DSCAM: variants seen among roughly 807,000 people sequenced by gnomAD.
DSCAM encodes DS cell adhesion molecule.
Under a neutral mutation model 217.7 loss-of-function variants are expected in DSCAM, and 47 were observed. The observed-to-expected ratio is 0.22, with a 90% confidence interval of 0.17 to 0.28. The LOEUF (loss-of-function observed/expected upper bound fraction) is 0.28, where lower values mean the gene tolerates loss of function less well. Among genes scored for constraint, DSCAM ranks in the 10% least tolerant of loss-of-function variants. The probability of loss-of-function intolerance (pLI) is 1.00; values close to 1 mark genes in which losing one functional copy is unlikely to be tolerated. For synonymous variants in DSCAM, 1,056 were observed against 1,015.3 expected, an observed-to-expected ratio of 1.04 and a Z score of -0.76; for missense variants, 2,080 against 2,618.3, an observed-to-expected ratio of 0.79 and a Z score of 4.49.
chr21:40,609,897 G>T (rs1250219234), intron 3 of DSCAM, among the ~76,000 whole-genome samples: 9 of 152,328 alleles, frequency 5.9e-5, no homozygotes, highest in Admixed American at 5.9e-4. Context: ...GCTCTGGTTA[G>T]ATTCTTATTA....
intron 11 of DSCAM, among the ~76,000 whole-genome samples, chr21:40,258,517 C>T (rs992236303): frequency 7.2e-5 from 11 of 152,158 alleles, no homozygotes; most frequent in Non-Finnish European, 1.2e-4. Context: ...GACTTTCCTC[C>T]CCATCTAAAT....
intron 32 of DSCAM, among the ~76,000 whole-genome samples, chr21:40,032,032 G>T (rs1326021015): frequency 6.6e-6 from 1 of 152,116 alleles, no homozygotes; most frequent in East Asian, 1.9e-4. Context: ...CCTTCCCTCT[G>T]TCTGGAATTC....
intron 11 of DSCAM, among the ~76,000 whole-genome samples, chr21:40,200,539 A>G (rs1455400275): frequency 6.6e-6 from 1 of 152,138 alleles, no homozygotes; most frequent in Admixed American, 6.5e-5. Context: ...CATTTTTTTA[A>G]TCCAGTCATC....
intron 3 of DSCAM, among the ~76,000 whole-genome samples, chr21:40,607,630 T>C (rs1263159679): frequency 6.6e-6 from 1 of 152,104 alleles, no homozygotes; most frequent in Non-Finnish European, 1.5e-5. Flanking sequence ...TCCCTCACAC[T>C]GTTCTCATGC....
intron 6 of DSCAM, among the ~76,000 whole-genome samples, chr21:40,344,292 C>A (rs1019046669): frequency 1.3e-5 from 2 of 152,134 alleles, no homozygotes; most frequent in African/African-American, 2.4e-5. Flanking sequence ...AATATATTTA[C>A]CATTTCTCAT....
At chr21:40,246,354 TAAAAAAAAAA>T (rs34308158) in intron 11 of DSCAM, among the ~76,000 whole-genome samples, 3 of 13,920 alleles carry the variant, frequency 2.2e-4, no homozygotes, top group East Asian at 2.3e-3. Context: ...CAGTCCGTAC[TAAAAAAAAAA>T]AAAAAAAAAA....
chr21:40,103,116 AT>A (rs1271688863), intron 20 of DSCAM, among the ~76,000 whole-genome samples: 1 of 152,256 alleles, frequency 6.6e-6, no homozygotes, highest in African/African-American at 2.4e-5. Context: ...TGAGGATAAA[AT>A]GACTACAAAG....
chr21:40,062,742 G>T (rs2146519877), intron 28 of DSCAM, 127 bp downstream of exon 28: 2 of 868,572 alleles, frequency 2.3e-6, no homozygotes, highest in Non-Finnish European at 3.4e-6. Flanking sequence ...GGAAATTACA[G>T]TTTTTTCTAA....
intron 3 of DSCAM, among the ~76,000 whole-genome samples, chr21:40,632,936 G>A (rs576578214): frequency 1.1e-4 from 17 of 152,212 alleles, no homozygotes; most frequent in African/African-American, 4.1e-4. Context: ...ATTTCCTTAA[G>A]GTTTTCATGG....
intron 18 of DSCAM, among the ~76,000 whole-genome samples, chr21:40,136,206 A>T (rs2837447): frequency 0.12 from 18,199 of 152,296 alleles, 1,494 homozygotes; most frequent in East Asian, 0.3. Flanking sequence ...AAATATCAAT[A>T]CTTGGTTGTC....
intron 16 of DSCAM, 55 bp downstream of exon 16, chr21:40,167,163 G>T: frequency 1.3e-6 from 2 of 1,538,746 alleles, no homozygotes; most frequent in South Asian, 1.1e-5. Context: ...GAACAGGAGT[G>T]AAGGGCTCGC....
intron 11 of DSCAM, among the ~76,000 whole-genome samples, chr21:40,211,676 C>T (rs865997890): frequency 6.6e-6 from 1 of 152,308 alleles, no homozygotes; most frequent in South Asian, 2.1e-4. Flanking sequence ...AGTGACTTGT[C>T]CTTGGTACAG....
intron 3 of DSCAM, among the ~76,000 whole-genome samples, chr21:40,426,201 G>A (rs1056536481): frequency 6.6e-6 from 1 of 152,218 alleles, no homozygotes; most frequent in African/African-American, 2.4e-5. Context: ...AGCTAAGCAG[G>A]AGGCAGACTT....
intron 3 of DSCAM, among the ~76,000 whole-genome samples, chr21:40,619,614 T>C (rs1310240474): frequency 1.3e-5 from 2 of 152,210 alleles, no homozygotes; most frequent in Non-Finnish European, 2.9e-5. Flanking sequence ...TGGCTTGAGT[T>C]GATTACTGCT....
At chr21:40,735,859 T>A (rs1339776421) in intron 1 of DSCAM, among the ~76,000 whole-genome samples, 1 of 152,100 alleles carries the variant, frequency 6.6e-6, no homozygotes, top group Non-Finnish European at 1.5e-5. Context: ...TATCCTACAT[T>A]TCAGATCAGT....
intron 10 of DSCAM, among the ~76,000 whole-genome samples, chr21:40,287,483 G>T (rs1259651030): frequency 2.0e-5 from 3 of 152,196 alleles, no homozygotes; most frequent in African/African-American, 7.2e-5. Context: ...ATCAAGGTGA[G>T]CCTTTCCAGG....
At chr21:40,266,668 T>TATATATAA (rs1173746406) in intron 11 of DSCAM, among the ~76,000 whole-genome samples, 3 of 131,948 alleles carry the variant, frequency 2.3e-5, no homozygotes, top group Middle Eastern at 3.8e-3. Flanking sequence ...TATATATATA[T>TATATATAA]ATAATCTTGA....
At chr21:40,327,813 G>T (rs1569065627) in intron 8 of DSCAM, among the ~76,000 whole-genome samples, 1 of 151,938 alleles carries the variant, frequency 6.6e-6, no homozygotes, top group Non-Finnish European at 1.5e-5. Context: ...ATATGATAAA[G>T]CTACAAGGCA....
intron 30 of DSCAM, among the ~76,000 whole-genome samples, chr21:40,049,229 C>T (rs1380779287): frequency 1.3e-5 from 2 of 152,170 alleles, no homozygotes; most frequent in African/African-American, 4.8e-5. Flanking sequence ...ATGAAATGCA[C>T]CTGCCAGGCA....
Sources: allele counts gnomAD v4.1 joint callset (sites outside exome capture counted in the v4.1 genomes callset), GRCh38; gene constraint gnomAD v4.1.1; transcripts MANE v1.5; gene names NCBI Gene and HGNC (gene_info 2026-07-23, HGNC 2026-07-21).